ROBO2: variants seen among roughly 807,000 people sequenced by gnomAD.
The protein encoded by ROBO2 is roundabout homolog 2.
A neutral mutation model predicts 160.8 loss-of-function variants in ROBO2; 53 were observed. The ratio of observed to expected loss-of-function variants is 0.33; its 90% CI spans 0.26 to 0.41. ROBO2 has a LOEUF of 0.41. ROBO2 is among the 10% of genes least tolerant of loss of function. The pLI, the probability that ROBO2 is intolerant of heterozygous loss-of-function variation, is 1.00. For missense variants in ROBO2, 1,577 were observed against 1,722.4 expected (o/e 0.92, Z 1.49); for synonymous variants, 664 against 611.7 (o/e 1.09, Z -1.26).
At chr3:76,560,504 A>C (rs1480092223) in intron 2 of ROBO2, among the ~76,000 whole-genome samples, 2 of 151,876 alleles carry the variant, frequency 1.3e-5, no homozygotes, top group Non-Finnish European at 2.9e-5. Context: ...AAATGTCCCC[A>C]GTGATAGCAG....
intron 14 of ROBO2, among the ~76,000 whole-genome samples, chr3:77,576,369 A>G (rs186789220): frequency 1.1e-3 from 172 of 152,188 alleles, no homozygotes; most frequent in African/African-American, 4.0e-3. Flanking sequence ...GATATTTAGG[A>G]TAGTTTCAAA....
At chr3:76,335,670 C>A (rs368800773) in intron 2 of ROBO2, among the ~76,000 whole-genome samples, 1 of 151,368 alleles carries the variant, frequency 6.6e-6, no homozygotes, top group African/African-American at 2.4e-5. Context: ...CTCCACCTCC[C>A]GGGTTCACGC....
intron 2 of ROBO2, among the ~76,000 whole-genome samples, chr3:77,341,979 G>C (rs2067112103): frequency 6.6e-6 from 1 of 152,088 alleles, no homozygotes; most frequent in Non-Finnish European, 1.5e-5. Context: ...TTGCAAGAGA[G>C]AGCAATGTAG....
intron 2 of ROBO2, among the ~76,000 whole-genome samples, chr3:76,817,827 C>CTTTT (rs78546104): frequency 7.7e-6 from 1 of 129,494 alleles, no homozygotes; most frequent in Non-Finnish European, 1.7e-5. Flanking sequence ...TATTTCATTC[C>CTTTT]TTTTTTTTTT....
chr3:76,944,346 G>A (rs936820681), intron 2 of ROBO2, among the ~76,000 whole-genome samples: 1 of 152,006 alleles, frequency 6.6e-6, no homozygotes, highest in African/African-American at 2.4e-5. Context: ...GAAATATTTG[G>A]TATTTCAAAA....
intron 2 of ROBO2, among the ~76,000 whole-genome samples, chr3:76,325,296 G>T (rs1440123957): frequency 5.3e-5 from 8 of 152,150 alleles, no homozygotes; most frequent in Non-Finnish European, 1.0e-4. Flanking sequence ...AAAAGAGCCA[G>T]TTAGCAGAAG....
rs533651225 is a variant in ROBO2 at position 75,944,971 on chromosome 3, C to T, written c.109+7369C>T. On this transcript the variant is annotated intron_variant, in intron 2 of 26. Coordinates refer to the ROBO2 transcript ENST00000487694. The stretch of plus-strand genomic sequence containing the variant: ...TTTAACTGTTGCTTTTCATAGTTTA[C>T]GTACCTCCTCCTATACCACACTATT... Among the ~76,000 whole-genome samples, 8 of 152,206 alleles carry T rather than the reference C, an allele frequency of 5.3e-5. No homozygotes were observed. In the East Asian group the frequency reaches 1.2e-3, roughly 22 times the overall value.
chr3:77,073,508 T>C (rs753621114), intron 1 of ROBO2, among the ~76,000 whole-genome samples: 2 of 152,148 alleles, frequency 1.3e-5, no homozygotes, highest in Non-Finnish European at 2.9e-5. Flanking sequence ...GACAATATGA[T>C]TAATTTGAAG....
chr3:76,874,650 A>G (rs1459821883), intron 2 of ROBO2, among the ~76,000 whole-genome samples: 1 of 152,206 alleles, frequency 6.6e-6, no homozygotes, highest in Admixed American at 6.5e-5. Context: ...ATGTACCTGC[A>G]GTTCCTTAAA....
chr3:76,917,132 G>A (rs910409082), intron 2 of ROBO2, among the ~76,000 whole-genome samples: 3 of 152,162 alleles, frequency 2.0e-5, no homozygotes, highest in Non-Finnish European at 4.4e-5. Flanking sequence ...TACCCGGAGG[G>A]GAGAATGCTG....
At chr3:76,976,670 T>A (rs1370815339) in intron 2 of ROBO2, among the ~76,000 whole-genome samples, 1 of 152,206 alleles carries the variant, frequency 6.6e-6, no homozygotes, top group Non-Finnish European at 1.5e-5. Flanking sequence ...AGTCACATTG[T>A]GCTTTACTAC....
intron 2 of ROBO2, among the ~76,000 whole-genome samples, chr3:77,197,224 T>C (rs2082391195): frequency 6.6e-6 from 1 of 152,204 alleles, no homozygotes; most frequent in African/African-American, 2.4e-5. Flanking sequence ...TTCACACCTT[T>C]CATGTTTGCA....
At chr3:76,049,364 C>T (rs1357342527) in intron 2 of ROBO2, among the ~76,000 whole-genome samples, 1 of 136,756 alleles carries the variant, frequency 7.3e-6, no homozygotes, top group Non-Finnish European at 1.5e-5. Flanking sequence ...GCACATGCCA[C>T]CACCCCTGGC....
At chr3:77,461,262 TC>T (rs1180986485) in intron 2 of ROBO2, among the ~76,000 whole-genome samples, 4 of 152,076 alleles carry the variant, frequency 2.6e-5, no homozygotes, top group African/African-American at 9.6e-5. Flanking sequence ...CATTCTTTTT[TC>T]TTTACATCAT....
chr3:77,186,364 G>A (rs2081287610), intron 2 of ROBO2, among the ~76,000 whole-genome samples: 1 of 151,812 alleles, frequency 6.6e-6, no homozygotes, highest in Non-Finnish European at 1.5e-5. Context: ...GATTCTAACT[G>A]GTAACAGAGT....
chr3:77,346,534 T>C (rs1217993578), intron 2 of ROBO2, among the ~76,000 whole-genome samples: 1 of 152,184 alleles, frequency 6.6e-6, no homozygotes, highest in East Asian at 1.9e-4. Flanking sequence ...TCATTTATTA[T>C]TTTACATTTC....
chr3:77,639,905 T>C (rs943869500), intron 24 of ROBO2, among the ~76,000 whole-genome samples: 6 of 152,152 alleles, frequency 3.9e-5, no homozygotes, highest in Admixed American at 3.9e-4. Flanking sequence ...AGGGAATAGA[T>C]GACGGTGGTT....
At chr3:77,342,165 T>G (rs1356109988) in intron 2 of ROBO2, among the ~76,000 whole-genome samples, 1 of 152,066 alleles carries the variant, frequency 6.6e-6, no homozygotes, top group Non-Finnish European at 1.5e-5. Context: ...TTCATGAAAA[T>G]TTGACATTAC....
chr3:77,300,205 T>G (rs1363900136), intron 2 of ROBO2, among the ~76,000 whole-genome samples: 1 of 150,902 alleles, frequency 6.6e-6, no homozygotes, highest in Admixed American at 6.6e-5. Flanking sequence ...TTTTTTTTAC[T>G]GCTCTTTCTC....
Sources: allele counts gnomAD v4.1 joint callset (sites outside exome capture counted in the v4.1 genomes callset), GRCh38; gene constraint gnomAD v4.1.1; transcripts MANE v1.5; gene names NCBI Gene and HGNC (gene_info 2026-07-23, HGNC 2026-07-21).